The following LCOR variants were observed in gnomAD, a reference collection of about 807,000 sequenced individuals.
LCOR encodes the protein ligand dependent nuclear receptor corepressor.
Under a neutral mutation model 64.4 loss-of-function variants are expected in LCOR, and 14 were observed. The ratio of observed to expected loss-of-function variants is 0.22; its 90% confidence interval spans 0.14 to 0.34. The LOEUF (loss-of-function observed/expected upper bound fraction) is 0.34, where lower values mean the gene tolerates loss of function less well. LCOR is among the 10% of genes least tolerant of loss of function. The pLI is 1.00. For missense variants in LCOR, 1,686 were observed against 1,765.3 expected, an observed-to-expected ratio of 0.96 and a Z score of 0.80; for synonymous variants, 643 against 642.5, an observed-to-expected ratio of 1.00 and a Z score of -0.01.
intron 4 of LCOR, among the ~76,000 whole-genome samples, chr10:96,928,598 A>G (rs1413490541): frequency 6.6e-6 from 1 of 152,150 alleles, no homozygotes; most frequent in Non-Finnish European, 1.5e-5. Context: ...TGAGGGTTTG[A>G]ATCAGCTTCT....
intron 7 of LCOR, among the ~76,000 whole-genome samples, chr10:96,953,236 C>G (rs2134530008): frequency 6.6e-6 from 1 of 152,106 alleles, no homozygotes; most frequent in Admixed American, 6.5e-5. Context: ...GTTCCCAAAT[C>G]TTTGGGTTCT....
In LCOR at chr10:96,987,613, A is replaced by G. The variant is rs184118587; in HGVS notation, c.*2479A>G. 21 of 152,392 alleles carry G rather than the reference A, an allele frequency of 1.4e-4. 1 individual carries two copies. In the East Asian group the frequency reaches 4.0e-3, roughly 29 times the overall value. 9.4% of individuals were successfully genotyped at this position (152,392 alleles called of 1,614,324 possible). ...TCTTTAAAATCAACTTATACTTTAT[A>G]ATAAGGACATTTAAATAGACCAAGA... On this transcript the variant is annotated 3_prime_UTR_variant, in exon 8 of 8. Coordinates refer to ENST00000421806, the MANE Select transcript of LCOR (RefSeq NM_001346516.2).
At chr10:96,923,554 C>G (rs1847117069) in intron 4 of LCOR, among the ~76,000 whole-genome samples, 1 of 152,148 alleles carries the variant, frequency 6.6e-6, no homozygotes, top group South Asian at 2.1e-4. Flanking sequence ...GCATCCTCCT[C>G]CTTTAATCTT....
intron 7 of LCOR, among the ~76,000 whole-genome samples, chr10:96,965,957 T>C (rs1847945648): frequency 6.6e-6 from 1 of 152,074 alleles, no homozygotes; most frequent in Admixed American, 6.5e-5. Flanking sequence ...ATGAATTTGC[T>C]TTATTTTAGT....
chr10:96,842,817 A>G (rs563740977), intron 2 of LCOR, among the ~76,000 whole-genome samples: 1 of 151,532 alleles, frequency 6.6e-6, no homozygotes, highest in Admixed American at 6.6e-5. Context: ...TTTTTGGTAG[A>G]GAGGGGTTTT....
intron 7 of LCOR, among the ~76,000 whole-genome samples, 164 bp downstream of exon 7, chr10:96,952,360 G>T (rs893240452): frequency 4.6e-5 from 7 of 152,150 alleles, no homozygotes; most frequent in Admixed American, 4.6e-4. Flanking sequence ...ATGTAAAATT[G>T]GCTAGTACAG....
At chr10:96,979,871 C>G (rs757935010) in intron 7 of LCOR, among the ~76,000 whole-genome samples, 3 of 152,214 alleles carry the variant, frequency 2.0e-5, no homozygotes, top group Non-Finnish European at 4.4e-5. Context: ...CAGCCGAGTG[C>G]GGCGGCTCAC....
intron 7 of LCOR, among the ~76,000 whole-genome samples, chr10:96,969,484 A>G (rs543300270): frequency 6.6e-6 from 1 of 152,324 alleles, no homozygotes; most frequent in Non-Finnish European, 1.5e-5. Context: ...AACTATGTGC[A>G]TTTCCATTGT....
intron 2 of LCOR, among the ~76,000 whole-genome samples, chr10:96,858,712 G>C (rs193147896): frequency 1.3e-5 from 2 of 152,076 alleles, no homozygotes; most frequent in African/African-American, 2.4e-5. Flanking sequence ...TGGATACTTA[G>C]GGTTTTTTGT....
In LCOR at chr10:96,985,442, G is replaced by A. The variant is rs545858346; in HGVS notation, c.*308G>A. On this transcript the variant is annotated 3_prime_UTR_variant, in exon 8 of 8. Transcript: ENST00000421806. The stretch of plus-strand genomic sequence containing the variant: ...CCTTTTTGTTTTTAAATTTACAAAA[G>A]CTAAAAAGCTGATCTATGTGATTAA... 1 of 228,538 alleles carries A rather than the reference G, an allele frequency of 4.4e-6. No homozygotes were observed. Among genetic ancestry groups the A allele is most frequent in the Non-Finnish European group, 9.2e-6 (1 of 108,970 alleles). The allele number at this position is 228,538 out of a possible 1,614,324, so 14.2% of individuals were successfully genotyped here. A position where few individuals can be genotyped will look rare whatever the true frequency, so the allele number is the denominator to read the frequency against.
chr10:96,966,687 A>G (rs1847954417), intron 7 of LCOR, among the ~76,000 whole-genome samples: 1 of 152,196 alleles, frequency 6.6e-6, no homozygotes, highest in Non-Finnish European at 1.5e-5. Context: ...TTGCTTCTAA[A>G]AGGTAAGCAT....
At chr10:96,846,639 A>G (rs1391093152) in intron 2 of LCOR, among the ~76,000 whole-genome samples, 1 of 152,242 alleles carries the variant, frequency 6.6e-6, no homozygotes, top group African/African-American at 2.4e-5. Context: ...TGAGACTTGT[A>G]TAACCAGTTT....
chr10:96,876,355 A>G (rs143122214), intron 2 of LCOR, among the ~76,000 whole-genome samples: 205 of 152,328 alleles, frequency 1.3e-3, no homozygotes, highest in African/African-American at 2.7e-3. Flanking sequence ...CAAAGGCCCT[A>G]CTTCCAAATA....
At chr10:96,873,161 G>T (rs1020182839) in intron 2 of LCOR, among the ~76,000 whole-genome samples, 1 of 152,142 alleles carries the variant, frequency 6.6e-6, no homozygotes, top group African/African-American at 2.4e-5. Context: ...TATTAATTTT[G>T]ATTCTATTTG....
Position 96,980,999 on chromosome 10 carries a change from G to A in LCOR, c.539G>A (p.Cys180Tyr), listed in dbSNP as rs900023361. ...AMDVSTCNAG[C>Y]AQLSTKHKEK... ...GATGTATCCACTTGCAATGCTGGCT[G>A]TGCCCAGCTCAGCACCAAACATAAG... is the stretch of plus-strand genomic sequence containing the variant. The change falls in exon 8 of 8, where the codon TGT (cysteine) becomes TAT (tyrosine). Residue 180 changes from cysteine to tyrosine, a missense_variant. By Grantham distance (194) the Cys-to-Tyr change is radical. Coordinates refer to ENST00000421806, the MANE Select transcript of LCOR (RefSeq NM_001346516.2). 2 of 702,894 alleles carry A rather than the reference G, an allele frequency of 2.8e-6. No homozygotes were observed. The highest frequency in any genetic ancestry group is 3.5e-5 in the African/African-American group (2 of 57,260). 43.5% of individuals were successfully genotyped at this position (702,894 alleles called of 1,614,324 possible).
chr10:96,897,792 A>G (rs956974512), intron 2 of LCOR, among the ~76,000 whole-genome samples: 2 of 152,170 alleles, frequency 1.3e-5, no homozygotes, highest in African/African-American at 4.8e-5. Context: ...GGGCCAGCAA[A>G]AAGAGCCCTT....
At chr10:96,928,828 G>A (rs1589662343) in intron 4 of LCOR, among the ~76,000 whole-genome samples, 2 of 152,204 alleles carry the variant, frequency 1.3e-5, no homozygotes, top group East Asian at 3.8e-4. Flanking sequence ...ATGGGCTGCA[G>A]AATGGGTATT....
intron 2 of LCOR, among the ~76,000 whole-genome samples, chr10:96,891,708 A>G (rs886602952): frequency 6.6e-6 from 1 of 151,120 alleles, no homozygotes; most frequent in Non-Finnish European, 1.5e-5. Flanking sequence ...ACGTCCAACT[A>G]ATTTTTGTAT....
At chr10:96,851,628 A>T (rs1845723043) in intron 2 of LCOR, among the ~76,000 whole-genome samples, 1 of 152,232 alleles carries the variant, frequency 6.6e-6, no homozygotes. Context: ...TGAATGAGGC[A>T]GATGACTCTG....
Sources: allele counts gnomAD v4.1 joint callset (sites outside exome capture counted in the v4.1 genomes callset), GRCh38; gene constraint gnomAD v4.1.1; transcripts MANE v1.5; gene names NCBI Gene and HGNC (gene_info 2026-07-23, HGNC 2026-07-21).